The following PTPRU variants were observed in gnomAD, a reference collection of about 807,000 sequenced individuals.
PTPRU encodes protein tyrosine phosphatase receptor type U.
PTPRU carries 69 observed loss-of-function variants against 166.3 expected under a neutral mutation model. The ratio of observed to expected loss-of-function variants is 0.41; its 90% CI spans 0.34 to 0.51. PTPRU has a LOEUF of 0.51. Ranked by LOEUF, PTPRU falls within the 20% of genes least tolerant of loss-of-function variation. The pLI is 0.09. For synonymous variants in PTPRU, 793 were observed against 814.0 expected, an observed-to-expected ratio of 0.97 and a Z score of 0.44; for missense variants, 1,657 against 2,013.7, an observed-to-expected ratio of 0.82 and a Z score of 3.39.
Position 29,304,972 on chromosome 1 carries a change from G to T in PTPRU, c.2743+123G>T, listed in dbSNP as rs539847765. Reference sequence around the variant, plus strand: ...ATAGTAGCATTGGCCACCTTTTATTGAGGGCCTACCACACGTCACGCCCTG... The same window carrying T: ...ATAGTAGCATTGGCCACCTTTTATTTAGGGCCTACCACACGTCACGCCCTG... On this transcript the variant is annotated intron_variant, in intron 17 of 29. Coordinates refer to ENST00000373779, the MANE Select transcript of PTPRU (RefSeq NM_133178.4). The T allele has an allele frequency of 8.6e-6, 7 of 815,770 alleles. No homozygotes were observed. In the South Asian group the frequency reaches 1.3e-4, roughly 15 times the overall value. 50.5% of individuals were successfully genotyped at this position (815,770 alleles called of 1,614,324 possible).
At chr1:29,297,366 G>A (rs1250366102) in intron 15 of PTPRU, among the ~76,000 whole-genome samples, 1 of 152,100 alleles carries the variant, frequency 6.6e-6, no homozygotes, top group Non-Finnish European at 1.5e-5. Flanking sequence ...CTTAGTAGCT[G>A]TTATTAACCC....
rs546028485 is a variant in PTPRU, at chr1:29,311,301, G to A, written c.2858-155G>A. The A allele has an allele frequency of 4.4e-6, 3 of 685,680 alleles. No individual in the cohort carries two copies. Among genetic ancestry groups the A allele is most frequent in the East Asian group, 2.7e-5 (1 of 36,880 alleles). 42.5% of individuals were successfully genotyped at this position (685,680 alleles called of 1,614,324 possible). A position where few individuals can be genotyped will look rare whatever the true frequency, so the allele number is the denominator to read the frequency against. On this transcript the variant is annotated intron_variant, in intron 19 of 29. Coordinates refer to ENST00000373779, the MANE Select transcript of PTPRU (RefSeq NM_133178.4). This position sits in a 1 kb window ranked among gnomAD's most constrained non-coding sequence, Gnocchi z 4.1. ...CAACCTCAGGGCCCTACAGGCATGC[G>A]TCAGCTGCAAGCTGGGTGTTGTGGG...
At position 29,291,956 on chromosome 1, in the gene PTPRU, C is replaced by T. The variant is rs776629496; in HGVS notation, c.2406C>T (p.Asp802=). The change falls in exon 15 of 30, where the codon GAC becomes GAT. Residue 802 remains aspartate (D), a synonymous_variant. Coordinates refer to ENST00000373779, the MANE Select transcript of PTPRU (RefSeq NM_133178.4). This position sits in a 1 kb window ranked among gnomAD's most constrained non-coding sequence, Gnocchi z 4.1. ...GCGCCGTGGACCGCAGCTTCACAGACCAGAGCACCCTGCAGGAGGACGAGC... is the reference window on the plus strand; with the variant it reads ...GCGCCGTGGACCGCAGCTTCACAGATCAGAGCACCCTGCAGGAGGACGAGC... ...MMSAVDRSFT[D]QSTLQEDERL... is the part of the protein sequence containing the mutation. The T allele has an allele frequency of 6.2e-7, 1 of 1,614,190 alleles. No individual in the cohort carries two copies. The highest frequency in any genetic ancestry group is 1.7e-5 in the Admixed American group (1 of 60,026).
Position 29,279,448 on chromosome 1 carries a change from G to T in PTPRU, c.1564-8G>T, listed in dbSNP as rs776049652. 6 of 1,613,560 alleles carry T rather than the reference G, an allele frequency of 3.7e-6. No homozygotes were observed. In the African/African-American group the frequency reaches 6.7e-5, roughly 18 times the overall value. ...CAGTGCCCACCTGCCTGCCAATCCT[G>T]CCCCCAGATCAGCTACCAGAGCATC... On this transcript the variant is annotated splice_polypyrimidine_tract_variant and splice_region_variant and intron_variant, in intron 9 of 29. Transcript: ENST00000373779. The surrounding 1 kb of genome is among the most constrained non-coding windows in gnomAD (Gnocchi z 5.2).
rs1685986790 is a variant in PTPRU at position 29,279,979 on chromosome 1, A to T, written c.1766-60A>T. 1 of 1,507,074 alleles carries T rather than the reference A, an allele frequency of 6.6e-7. No homozygotes were observed. Among genetic ancestry groups the T allele is most frequent in the African/African-American group, 1.4e-5 (1 of 72,570 alleles). 93.4% of individuals were successfully genotyped at this position (1,507,074 alleles called of 1,614,324 possible). ...GAGGACTGTGGTCAAGGAGGCTGGAAGCCTGGTCTTCCTGGTCCAGTGGCC... is the reference window on the plus strand; with the variant it reads ...GAGGACTGTGGTCAAGGAGGCTGGATGCCTGGTCTTCCTGGTCCAGTGGCC... On this transcript the variant is annotated intron_variant, in intron 10 of 29. Transcript: ENST00000373779. This position sits in a 1 kb window ranked among gnomAD's most constrained non-coding sequence, Gnocchi z 5.2.
chr1:29,273,074 A>G (rs1352094318), intron 7 of PTPRU, among the ~76,000 whole-genome samples: 5 of 152,236 alleles, frequency 3.3e-5, no homozygotes, highest in Non-Finnish European at 7.4e-5. Context: ...TAATGAAACT[A>G]TACTTCATGG....
At chr1:29,286,295 C>T (rs1044403592) in intron 14 of PTPRU, among the ~76,000 whole-genome samples, 106 of 152,338 alleles carry the variant, frequency 7.0e-4, no homozygotes, top group African/African-American at 2.4e-3. Flanking sequence ...GTGCCAGGAG[C>T]TTCACACACA....
At chr1:29,268,332 C>A (rs927028255) in intron 7 of PTPRU, among the ~76,000 whole-genome samples, 3 of 152,116 alleles carry the variant, frequency 2.0e-5, no homozygotes, top group African/African-American at 4.8e-5. Context: ...CAACTAGGGG[C>A]AATTTTGTCT....
chr1:29,304,692 G>A (rs892766986), intron 16 of PTPRU, 82 bp from the exon 17 acceptor site: 18 of 1,102,794 alleles, frequency 1.6e-5, no homozygotes, highest in African/African-American at 3.2e-5. Context: ...CCCCCATCCT[G>A]CCTACATCAT....
At position 29,260,086 on chromosome 1, in the gene PTPRU, G is replaced by A. The variant is rs756987549; in HGVS notation, c.850+42G>A. The A allele has an allele frequency of 8.8e-6, 12 of 1,366,924 alleles. No individual in the cohort carries two copies. The highest frequency in any genetic ancestry group is 1.1e-5 in the Non-Finnish European group (12 of 1,065,578). 84.7% of individuals were successfully genotyped at this position (1,366,924 alleles called of 1,614,324 possible). ...CGGGGAGCGCCGGGACCTCACCCTC[G>A]AGGGGCGGGGCCGGCGACGGGGGCG... is the stretch of plus-strand genomic sequence containing the variant. On this transcript the variant is annotated intron_variant, in intron 6 of 29. Transcript: ENST00000373779. The surrounding 1 kb of genome is among the most constrained non-coding windows in gnomAD (Gnocchi z 8.3).
intron 15 of PTPRU, among the ~76,000 whole-genome samples, chr1:29,303,380 G>A (rs1215744780): frequency 6.6e-6 from 1 of 152,240 alleles, no homozygotes; most frequent in Non-Finnish European, 1.5e-5. Context: ...GCCTATTCGG[G>A]TGCCTGGTGT....
chr1:29,295,859 G>A (rs945346814), intron 15 of PTPRU, among the ~76,000 whole-genome samples: 1 of 151,824 alleles, frequency 6.6e-6, no homozygotes, highest in Non-Finnish European at 1.5e-5. Flanking sequence ...GCTAATTTTT[G>A]TATTTTTTTT....
rs1313146125 is a variant in PTPRU, at chr1:29,299,075, A to G, written c.2477-4780A>G. On this transcript the variant is annotated intron_variant, in intron 15 of 29. Transcript: ENST00000373779. ...TCCTCATCTGAGGGTGGTGGGAATC[A>G]GGGAAAGTGCCACCACTGAGGGAGG... Among the ~76,000 whole-genome samples, 19 of 152,344 alleles carry G rather than the reference A, an allele frequency of 1.2e-4. 1 individual carries two copies. The highest frequency in any genetic ancestry group is 4.4e-5 in the Non-Finnish European group (3 of 68,024).
intron 1 of PTPRU, among the ~76,000 whole-genome samples, chr1:29,240,811 C>T (rs1019219982): frequency 1.4e-5 from 2 of 139,442 alleles, no homozygotes; most frequent in African/African-American, 5.4e-5. Flanking sequence ...GCCCGCAGGG[C>T]CCTGTGTTAG....
rs748832366 is a variant in PTPRU at position 29,279,157 on chromosome 1, G to A, written c.1563+36G>A. ...GACCCTATTACAGTGGGGGACCCTG[G>A]TGGAAGGTGAGAGGTGGCCCTCTTT... On this transcript the variant is annotated intron_variant, in intron 9 of 29. Transcript: ENST00000373779. The surrounding 1 kb of genome is among the most constrained non-coding windows in gnomAD (Gnocchi z 5.2). 1 of 1,497,280 alleles carries A rather than the reference G, an allele frequency of 6.7e-7. No homozygotes were observed. Among genetic ancestry groups the A allele is most frequent in the Non-Finnish European group, 9.1e-7 (1 of 1,097,298 alleles). The allele number at this position is 1,497,280 out of a possible 1,614,324, so 92.7% of individuals were successfully genotyped here.
At chr1:29,273,987 A>G (rs892507388) in intron 7 of PTPRU, among the ~76,000 whole-genome samples, 11 of 152,220 alleles carry the variant, frequency 7.2e-5, no homozygotes, top group African/African-American at 2.7e-4. Context: ...TAGGGCTAAT[A>G]ATAGCACTTG....
At chr1:29,284,661 G>A (rs746425459) in intron 13 of PTPRU, 70 bp from the exon 14 acceptor site, 37 of 1,609,272 alleles carry the variant, frequency 2.3e-5, no homozygotes, top group Non-Finnish European at 3.0e-5. Context: ...CTTGGGCACA[G>A]CCACCTACAG....
rs1683914387 is a variant in PTPRU at position 29,238,989 on chromosome 1, T to C, written c.73+2272T>C. ...TACCAAGTACCTTGTAAAGTAAGGC[T>C]CTGTCTGTGAGTGCCAGGGAACAAA... On this transcript the variant is annotated intron_variant, in intron 1 of 29. Transcript: ENST00000373779. This position sits in a 1 kb window ranked among gnomAD's most constrained non-coding sequence, Gnocchi z 6.1. Among the ~76,000 whole-genome samples the C allele has an allele frequency of 6.6e-6, 1 of 152,196 alleles. No individual in the cohort carries two copies. Among genetic ancestry groups the C allele is most frequent in the African/African-American group, 2.4e-5 (1 of 41,448 alleles).
At chr1:29,296,188 G>A (rs560022082) in intron 15 of PTPRU, among the ~76,000 whole-genome samples, 6 of 152,160 alleles carry the variant, frequency 3.9e-5, no homozygotes, top group East Asian at 1.9e-4. Context: ...GGTTGTAGCT[G>A]GAATCCTTGT....
Sources: allele counts gnomAD v4.1 joint callset (sites outside exome capture counted in the v4.1 genomes callset), GRCh38; gene constraint gnomAD v4.1.1; non-coding constraint Gnocchi (gnomAD v3.1); transcripts MANE v1.5; gene names NCBI Gene and HGNC (gene_info 2026-07-23, HGNC 2026-07-21).